Variants in ANK3 observed in about 807,000 individuals in gnomAD.
ANK3 encodes the protein ankyrin-3.
ANK3 carries 57 observed loss-of-function variants against 370.9 expected under a neutral mutation model. The observed-to-expected ratio is 0.15, with a 90% CI of 0.12 to 0.19. ANK3 has a LOEUF of 0.19. Ranked by LOEUF, ANK3 falls within the 10% of genes least tolerant of loss-of-function variation. The pLI is 1.00. For synonymous variants in ANK3, 1,929 were observed against 1,946.3 expected (o/e 0.99, Z 0.23); for missense variants, 4,439 against 5,302.1 (o/e 0.84, Z 5.06).
intron 28 of ANK3, 52 bp from the exon 29 acceptor site, chr10:60,088,410 T>G: frequency 6.8e-7 from 1 of 1,468,402 alleles, no homozygotes; most frequent in Non-Finnish European, 9.5e-7. Flanking sequence ...ATCTACAACA[T>G]ACCTTAAGTC....
chr10:60,353,611 GC>G (rs1456859938), intron 1 of ANK3, among the ~76,000 whole-genome samples: 3 of 152,150 alleles, frequency 2.0e-5, no homozygotes, highest in Non-Finnish European at 4.4e-5. Flanking sequence ...TTGGCCCACT[GC>G]CCCAGCTGAA....
In ANK3 at chr10:60,386,538, C is replaced by CT. The variant is rs921113546; in HGVS notation, c.114+2886dup. Among the ~76,000 whole-genome samples, 124 of 141,384 alleles carry CT rather than the reference C, an allele frequency of 8.8e-4. 1 individual carries two copies. Among genetic ancestry groups the CT allele is most frequent in the Admixed American group, 3.1e-3 (44 of 14,128 alleles). The allele number at this position is 141,384 out of a possible 152,430, so 92.8% of individuals were successfully genotyped here. Reference sequence around the variant, plus strand: ...ATAAATTCCTAGAAGTTCTGTACTGCTTTTTTTTTTTTGGACTGGTAATCA... The same window carrying CT: ...ATAAATTCCTAGAAGTTCTGTACTGCTTTTTTTTTTTTTGGACTGGTAATCA... On this transcript the variant is annotated intron_variant, in intron 1 of 43. Transcript: ENST00000280772.
At chr10:60,704,634 C>G (rs2079589611) in intron 1 of ANK3, among the ~76,000 whole-genome samples, 1 of 152,058 alleles carries the variant, frequency 6.6e-6, no homozygotes, top group Admixed American at 6.5e-5. Context: ...AGAAACACTA[C>G]AAAGAGGAAG....
chr10:60,477,508 G>GACAC (rs1279888980), intron 2 of ANK3, among the ~76,000 whole-genome samples: 5 of 116,472 alleles, frequency 4.3e-5, no homozygotes, highest in Non-Finnish European at 9.3e-5. Flanking sequence ...CTGACAGACA[G>GACAC]ACAGACATAC....
chr10:60,466,065 A>T (rs1225316720), intron 2 of ANK3, among the ~76,000 whole-genome samples: 1 of 152,144 alleles, frequency 6.6e-6, no homozygotes, highest in African/African-American at 2.4e-5. Flanking sequence ...TGGTCCTGCC[A>T]CTCACTCTCT....
At chr10:60,610,057 A>G (rs778579906) in intron 2 of ANK3, among the ~76,000 whole-genome samples, 20 of 152,304 alleles carry the variant, frequency 1.3e-4, no homozygotes, top group Non-Finnish European at 2.2e-4. Context: ...AAGGAATAAT[A>G]GTATTAATAT....
chr10:60,235,550 G>GTTTTTTTTTTTTTTTTTTTTTTT (rs72388493), intron 7 of ANK3, among the ~76,000 whole-genome samples: 5 of 115,052 alleles, frequency 4.3e-5, no homozygotes, highest in African/African-American at 3.3e-5. Flanking sequence ...CTGATTTCTT[G>GTTTTTTTTTTTTTTTTTTTTTTT]TTTTTTTTTT....
chr10:60,429,920 G>A (rs1178400424), intron 2 of ANK3, among the ~76,000 whole-genome samples: 1 of 152,034 alleles, frequency 6.6e-6, no homozygotes. Context: ...TCCTCACACC[G>A]TTTTTCTAAA....
At chr10:60,136,817 C>T (rs766126228) in intron 24 of ANK3, among the ~76,000 whole-genome samples, 9 of 152,062 alleles carry the variant, frequency 5.9e-5, no homozygotes, top group East Asian at 1.9e-4. Context: ...CTTAATACTT[C>T]GAAGTACTTT....
In ANK3 at chr10:60,101,586, C is replaced by T. The variant is rs546991170; in HGVS notation, c.3328+4319G>A. ...ACTAGAACAAAATCTATGTCTGCTG[C>T]CAAAGTTAAAGTTGTTCTTGTTGCA... On this transcript the variant is annotated intron_variant, in intron 28 of 43. Transcript: ENST00000280772. Among the ~76,000 whole-genome samples, 3 of 152,250 alleles carry T rather than the reference C, an allele frequency of 2.0e-5. No homozygotes were observed. The East Asian group carries it at 5.8e-4, about 29-fold the overall frequency.
intron 25 of ANK3, among the ~76,000 whole-genome samples, chr10:60,128,700 G>T (rs1361248327): frequency 6.6e-6 from 1 of 151,996 alleles, no homozygotes; most frequent in Non-Finnish European, 1.5e-5. Flanking sequence ...TTTTAATGGG[G>T]TTAACAAATT....
intron 4 of ANK3, among the ~76,000 whole-genome samples, chr10:60,273,205 T>A (rs1452739354): frequency 6.6e-6 from 1 of 152,220 alleles, no homozygotes. Context: ...GCCCTATAAT[T>A]CATTGTTTTC....
At chr10:60,239,496 C>T (rs1288620598) in intron 7 of ANK3, among the ~76,000 whole-genome samples, 2 of 152,012 alleles carry the variant, frequency 1.3e-5, no homozygotes, top group African/African-American at 4.8e-5. Context: ...TCTTTAAATA[C>T]TGACTGTCAA....
chr10:60,050,902 C>T (rs2077840465), intron 42 of ANK3, among the ~76,000 whole-genome samples: 1 of 151,014 alleles, frequency 6.6e-6, no homozygotes, highest in African/African-American at 2.4e-5. Context: ...AAACAAACAC[C>T]TATTTCAGAT....
chr10:60,578,705 T>A (rs1282329405), intron 2 of ANK3, among the ~76,000 whole-genome samples: 1 of 152,198 alleles, frequency 6.6e-6, no homozygotes, highest in Non-Finnish European at 1.5e-5. Flanking sequence ...ACTGGAGTTC[T>A]TTATTATCAA....
At chr10:60,579,413 C>A (rs1281971119) in intron 2 of ANK3, among the ~76,000 whole-genome samples, 3 of 140,954 alleles carry the variant, frequency 2.1e-5, no homozygotes, top group Admixed American at 7.0e-5. Flanking sequence ...GGAGAAATTA[C>A]AATGAAAGAG....
At chr10:60,541,089 T>C (rs550589420) in intron 2 of ANK3, among the ~76,000 whole-genome samples, 1 of 151,792 alleles carries the variant, frequency 6.6e-6, no homozygotes. Context: ...CATGCAACCA[T>C]GAGCAAAACA....
chr10:60,631,386 T>A (rs536965417), intron 1 of ANK3, among the ~76,000 whole-genome samples: 2 of 151,868 alleles, frequency 1.3e-5, no homozygotes, highest in South Asian at 4.2e-4. Flanking sequence ...AAAAAAATTA[T>A]CTGGGCATGG....
intron 25 of ANK3, among the ~76,000 whole-genome samples, chr10:60,130,736 GCTT>G (rs546934776): frequency 6.6e-6 from 1 of 152,136 alleles, no homozygotes; most frequent in South Asian, 2.1e-4. Flanking sequence ...CTGTCTGCCA[GCTT>G]CTTCTTTGAG....
Sources: allele counts gnomAD v4.1 joint callset (sites outside exome capture counted in the v4.1 genomes callset), GRCh38; gene constraint gnomAD v4.1.1; transcripts MANE v1.5; gene names NCBI Gene and HGNC (gene_info 2026-07-23, HGNC 2026-07-21).